Variants in DTX1 observed in about 807,000 individuals in gnomAD.
DTX1 encodes deltex E3 ubiquitin ligase 1.
Under a neutral mutation model 57.8 loss-of-function variants are expected in DTX1, and 26 were observed. The ratio of observed to expected loss-of-function variants is 0.45; its 90% CI spans 0.33 to 0.62. The LOEUF (loss-of-function observed/expected upper bound fraction) is 0.62. Among genes scored for constraint, DTX1 ranks in the 20% least tolerant of loss-of-function variants. The probability of loss-of-function intolerance (pLI) is 0.02; values close to 1 mark genes in which losing one functional copy is unlikely to be tolerated. For synonymous variants in DTX1, 398 were observed against 394.1 expected, an observed-to-expected ratio of 1.01 and a Z score of -0.12; for missense variants, 704 against 895.3, an observed-to-expected ratio of 0.79 and a Z score of 2.73.
At chr12:113,058,571 C>T (rs2044646730) in intron 2 of DTX1, 120 bp downstream of exon 2, 1 of 1,473,702 alleles carries the variant, frequency 6.8e-7, no homozygotes, top group African/African-American at 1.4e-5. Flanking sequence ...CTCCCTGCCT[C>T]ACCTCCAGAA....
At chr12:113,071,311 A>C (rs1014701329) in intron 2 of DTX1, among the ~76,000 whole-genome samples, 2 of 152,252 alleles carry the variant, frequency 1.3e-5, no homozygotes, top group African/African-American at 2.4e-5. Context: ...ACACTGACCA[A>C]AGCCCCTTTC....
At position 113,072,450 on chromosome 12, in the gene DTX1, G is replaced by T. The variant is rs183552965; in HGVS notation, c.260-4974G>T. Reference sequence around the variant, plus strand: ...GGCTTTGCTGGATGAATAGGAGTTTGCCAAGTGAACAAGGGCTGGGGGAGG... The same window carrying T: ...GGCTTTGCTGGATGAATAGGAGTTTTCCAAGTGAACAAGGGCTGGGGGAGG... On this transcript the variant is annotated intron_variant, in intron 2 of 9. Transcript: ENST00000548759. Among the ~76,000 whole-genome samples the T allele has an allele frequency of 1.8e-3, 277 of 152,306 alleles. 1 individual carries two copies. The highest frequency in any genetic ancestry group is 6.1e-3 in the African/African-American group (252 of 41,552).
intron 2 of DTX1, among the ~76,000 whole-genome samples, chr12:113,067,356 A>G (rs2136425959): frequency 6.6e-6 from 1 of 152,146 alleles, no homozygotes; most frequent in Non-Finnish European, 1.5e-5. Flanking sequence ...ACTTGTTCCA[A>G]GGTGTTACTC....
intron 3 of DTX1, among the ~76,000 whole-genome samples, chr12:113,080,235 AC>A (rs2044806945): frequency 6.6e-6 from 1 of 152,054 alleles, no homozygotes; most frequent in South Asian, 2.1e-4. Flanking sequence ...GTCAAAGAAG[AC>A]CCCTTGGGGA....
chr12:113,073,007 C>T (rs902123466), intron 2 of DTX1, among the ~76,000 whole-genome samples: 4 of 151,990 alleles, frequency 2.6e-5, no homozygotes, highest in African/African-American at 9.7e-5. Context: ...GCACCTGGCT[C>T]GACCCGAGAG....
chr12:113,069,325 T>A (rs565870215), intron 2 of DTX1, among the ~76,000 whole-genome samples: 3 of 152,124 alleles, frequency 2.0e-5, no homozygotes, highest in Admixed American at 1.3e-4. Context: ...AAGCCCCCCA[T>A]ACAGCCCATG....
chr12:113,059,805 G>A (rs1482070862), intron 2 of DTX1, among the ~76,000 whole-genome samples: 2 of 152,182 alleles, frequency 1.3e-5, no homozygotes. Flanking sequence ...CCAACCACAT[G>A]TGGCTACTTA....
In DTX1 at chr12:113,093,740, A is replaced by G; in HGVS notation, c.1165+40A>G. 1.2e-6 allele frequency: 2 copies of G among 1,606,392 alleles called. No individual in the cohort carries two copies. Among genetic ancestry groups the G allele is most frequent in the East Asian group, 2.2e-5 (1 of 44,674 alleles). On this transcript the variant is annotated intron_variant, in intron 5 of 9. Coordinates refer to ENST00000548759, the MANE Select transcript of DTX1 (RefSeq NM_004416.3). The surrounding 1 kb of genome is among the most constrained non-coding windows in gnomAD (Gnocchi z 4.2). ...CCCTGCCTCACACGAGATGAACCCC[A>G]CTAAGCCTTGACCACAACTCTGTGA...
At position 113,063,269 on chromosome 12, in the gene DTX1, G is replaced by C. The variant is rs570556845; in HGVS notation, c.259+4818G>C. ...GGGGTTGGCTGCCACTGGCAGTCGG[G>C]GAAAGGTTTGAGAATGGCTTTCTGC... is the stretch of plus-strand genomic sequence containing the variant. On this transcript the variant is annotated intron_variant, in intron 2 of 9. Coordinates refer to ENST00000548759, the MANE Select transcript of DTX1 (RefSeq NM_004416.3). 5.3e-4 allele frequency among the ~76,000 whole-genome samples: 81 copies of C among 152,322 alleles called. 1 individual carries two copies. Among genetic ancestry groups the C allele is most frequent in the African/African-American group, 1.8e-3 (76 of 41,568 alleles).
chr12:113,088,091 C>G (rs1950218588), intron 3 of DTX1, among the ~76,000 whole-genome samples: 1 of 152,210 alleles, frequency 6.6e-6, no homozygotes, highest in African/African-American at 2.4e-5. Context: ...ACAGACCAAC[C>G]TGGCAGGGTC....
At position 113,093,379 on chromosome 12, in the gene DTX1, C is replaced by T; in HGVS notation, c.1003+156C>T. The T allele has an allele frequency of 7.5e-7, 1 of 1,333,408 alleles. No homozygotes were observed. Among genetic ancestry groups the T allele is most frequent in the Non-Finnish European group, 1.0e-6 (1 of 1,000,158 alleles). The allele number at this position is 1,333,408 out of a possible 1,614,324, so 82.6% of individuals were successfully genotyped here. A position where few individuals can be genotyped will look rare whatever the true frequency, so the allele number is the denominator to read the frequency against. Reference sequence around the variant, plus strand: ...CCCAGGACACAGGGCGGGCGTGGCCCGCAGAAAGGCCCTTCAGGGGCCTTC... The same window carrying T: ...CCCAGGACACAGGGCGGGCGTGGCCTGCAGAAAGGCCCTTCAGGGGCCTTC... On this transcript the variant is annotated intron_variant, in intron 4 of 9. Transcript: ENST00000548759. This position sits in a 1 kb window ranked among gnomAD's most constrained non-coding sequence, Gnocchi z 4.2.
In DTX1 at chr12:113,094,062, G is replaced by A. The variant is rs1232450939; in HGVS notation, c.1190G>A (p.Arg397Gln). The A allele has an allele frequency of 7.4e-6, 11 of 1,489,658 alleles. No homozygotes were observed. The highest frequency in any genetic ancestry group is 2.0e-5 in the Admixed American group (1 of 50,026). The allele number at this position is 1,489,658 out of a possible 1,614,324, so 92.3% of individuals were successfully genotyped here. ...GGTAAGAATCCCGAGGATGTGGTTC[G>A]AAGATACATGCAGAAGGTGAAAAAC... Reference protein sequence around the residue: ...KKSKNPEDVVRRYMQKVKNPP... With the variant: ...KKSKNPEDVVQRYMQKVKNPP... Residue 397 changes from arginine to glutamine, a missense_variant, in exon 6 of 10, where the codon CGA (arginine) becomes CAA (glutamine). This residue lies in a region of DTX1 where 299 missense variants were observed against 311.2 expected (regional missense o/e 0.96). Coordinates refer to ENST00000548759, the MANE Select transcript of DTX1 (RefSeq NM_004416.3).
At chr12:113,084,693 G>C (rs1208547199) in intron 3 of DTX1, among the ~76,000 whole-genome samples, 1 of 152,174 alleles carries the variant, frequency 6.6e-6, no homozygotes, top group Non-Finnish European at 1.5e-5. Flanking sequence ...CCATTTACAG[G>C]CATGTCTCTC....
Position 113,058,165 on chromosome 12 carries a change from G to A in DTX1, c.-28G>A, listed in dbSNP as rs2136420576. On this transcript the variant is annotated 5_prime_UTR_variant, in exon 2 of 10. Coordinates refer to ENST00000548759, the MANE Select transcript of DTX1 (RefSeq NM_004416.3). ...GAGGAGCTGGGCCTGCAATAGTGGGGGACCTGGCCCCTGAGGCAGTGGCGG... is the reference window on the plus strand; with the variant it reads ...GAGGAGCTGGGCCTGCAATAGTGGGAGACCTGGCCCCTGAGGCAGTGGCGG... 1.3e-6 allele frequency: 2 copies of A among 1,571,272 alleles called. No individual in the cohort carries two copies. Among genetic ancestry groups the A allele is most frequent in the Non-Finnish European group, 1.7e-6 (2 of 1,158,036 alleles).
chr12:113,065,321 G>A (rs1337826207), intron 2 of DTX1, among the ~76,000 whole-genome samples: 2 of 152,184 alleles, frequency 1.3e-5, no homozygotes, highest in South Asian at 2.1e-4. Context: ...GCCGCCTGCC[G>A]ACGCTGAGAA....
chr12:113,088,453 A>G (rs895262414), intron 3 of DTX1, among the ~76,000 whole-genome samples: 1 of 152,264 alleles, frequency 6.6e-6, no homozygotes, highest in Non-Finnish European at 1.5e-5. Context: ...GGACCAGATC[A>G]TACAGGGCCT....
chr12:113,088,611 T>TA (rs1178841632), intron 3 of DTX1, among the ~76,000 whole-genome samples: 2 of 152,162 alleles, frequency 1.3e-5, no homozygotes, highest in Admixed American at 1.3e-4. Context: ...AGTATAATTT[T>TA]AAAAAAAGAC....
intron 2 of DTX1, among the ~76,000 whole-genome samples, chr12:113,069,260 G>T (rs2044724103): frequency 6.6e-6 from 1 of 152,136 alleles, no homozygotes; most frequent in African/African-American, 2.4e-5. Flanking sequence ...TCCACTTCCT[G>T]CTTTGCTAGG....
At chr12:113,089,224 G>A (rs902169762) in intron 3 of DTX1, among the ~76,000 whole-genome samples, 2 of 152,118 alleles carry the variant, frequency 1.3e-5, no homozygotes, top group African/African-American at 2.4e-5. Context: ...GAGTGGAGTG[G>A]GAGAGGGGTG....
Sources: gnomAD v4.1 joint callset for allele counts (sites outside exome capture counted in the v4.1 genomes callset) on GRCh38, gnomAD v4.1.1 for gene constraint, gnomAD v4.1.1 regional missense constraint, Gnocchi (gnomAD v3.1) non-coding constraint, MANE v1.5 for transcripts, NCBI Gene and HGNC (gene_info 2026-07-23, HGNC 2026-07-21) for gene names.